The following NUBPL variants were observed in gnomAD, a reference collection of about 807,000 sequenced individuals.
NUBPL encodes iron-sulfur cluster transfer protein NUBPL.
In NUBPL, 31 loss-of-function variants were observed where a neutral mutation model predicts 45.7. The observed-to-expected ratio is 0.68, with a 90% CI of 0.51 to 0.92. NUBPL has a LOEUF of 0.92. Ranked by LOEUF, NUBPL falls within the 40% of genes least tolerant of loss-of-function variation. The probability of loss-of-function intolerance (pLI) is 0.00; values close to 1 mark genes in which losing one functional copy is unlikely to be tolerated. For synonymous variants in NUBPL, 144 were observed against 140.9 expected (o/e 1.02, Z -0.15); for missense variants, 401 against 398.7 (o/e 1.01, Z -0.05).
chr14:31,741,181 C>A (rs2038275701), intron 6 of NUBPL, among the ~76,000 whole-genome samples: 1 of 152,108 alleles, frequency 6.6e-6, no homozygotes, highest in South Asian at 2.1e-4. Context: ...TTCTTCCTAG[C>A]CAGGCATGAT....
At chr14:31,593,823 T>C (rs966716672) in intron 3 of NUBPL, among the ~76,000 whole-genome samples, 4 of 152,086 alleles carry the variant, frequency 2.6e-5, no homozygotes, top group Admixed American at 1.3e-4. Context: ...GTTGAGGGAA[T>C]AGCAACTGCA....
At chr14:31,677,336 C>T (rs564925722) in intron 6 of NUBPL, among the ~76,000 whole-genome samples, 5 of 152,320 alleles carry the variant, frequency 3.3e-5, no homozygotes, top group Admixed American at 3.3e-4. Flanking sequence ...CCTCCACCCC[C>T]ACCACCCTTC....
At chr14:31,802,198 C>A (rs2039603681) in intron 7 of NUBPL, among the ~76,000 whole-genome samples, 1 of 152,106 alleles carries the variant, frequency 6.6e-6, no homozygotes, top group African/African-American at 2.4e-5. Flanking sequence ...CTCTCCAGAG[C>A]AGGTTGTAAT....
At chr14:31,785,897 G>A (rs2039275165) in intron 6 of NUBPL, among the ~76,000 whole-genome samples, 1 of 152,094 alleles carries the variant, frequency 6.6e-6, no homozygotes, top group South Asian at 2.1e-4. Flanking sequence ...GGTGACTCAT[G>A]CCTGTAATCC....
Position 31,860,913 on chromosome 14 carries a change from A to G in NUBPL, c.*1733A>G, listed in dbSNP as rs1056380891. 1.3e-5 allele frequency: 2 copies of G among 152,238 alleles called. No individual in the cohort carries two copies. Among genetic ancestry groups the G allele is most frequent in the Non-Finnish European group, 2.9e-5 (2 of 68,046 alleles). The allele number at this position is 152,238 out of a possible 1,614,324, so 9.4% of individuals were successfully genotyped here. Reference sequence around the variant, plus strand: ...GGTTTTGTACCAAAAGATTCCATTTATATAACGTTCTTGAAGTGACATAAT... The same window carrying G: ...GGTTTTGTACCAAAAGATTCCATTTGTATAACGTTCTTGAAGTGACATAAT... On this transcript the variant is annotated 3_prime_UTR_variant, in exon 11 of 11. Transcript: ENST00000281081.
chr14:31,809,307 C>T (rs941757484), intron 7 of NUBPL, among the ~76,000 whole-genome samples: 3 of 152,076 alleles, frequency 2.0e-5, no homozygotes, highest in Non-Finnish European at 4.4e-5. Context: ...CTGTTACTCG[C>T]TATTCAGAGA....
intron 4 of NUBPL, among the ~76,000 whole-genome samples, chr14:31,664,706 G>A (rs906955210): frequency 1.1e-4 from 16 of 151,970 alleles, no homozygotes; most frequent in African/African-American, 3.9e-4. Context: ...CTCTTTTTTT[G>A]TTGTGTCTTT....
chr14:31,859,057 G>T (rs548887322), intron 10 of NUBPL, 61 bp from the exon 11 acceptor site: 2 of 1,434,106 alleles, frequency 1.4e-6, no homozygotes, highest in African/African-American at 2.8e-5. Context: ...ACAAACAGTT[G>T]ATGAGTCATT....
At chr14:31,582,893 A>C (rs190709609) in intron 3 of NUBPL, among the ~76,000 whole-genome samples, 19 of 152,316 alleles carry the variant, frequency 1.2e-4, no homozygotes, top group African/African-American at 4.3e-4. Flanking sequence ...TAGGGAGTCT[A>C]CCAAATGTCA....
At chr14:31,707,957 C>G (rs1006227109) in intron 6 of NUBPL, among the ~76,000 whole-genome samples, 1 of 152,164 alleles carries the variant, frequency 6.6e-6, no homozygotes, top group African/African-American at 2.4e-5. Context: ...TAAGTTGGGA[C>G]ATGTGGTCTG....
At position 31,601,470 on chromosome 14, in the gene NUBPL, C is replaced by T. The variant is rs528398660; in HGVS notation, c.382+2091C>T. On this transcript the variant is annotated intron_variant, in intron 4 of 10. Transcript: ENST00000281081. ...CAGTTCTCCTTGAAGAGGTCCTTCA[C>T]ATCCCTTGTAAGTTGGATTCCTAGG... Among the ~76,000 whole-genome samples, 4 of 152,248 alleles carry T rather than the reference C, an allele frequency of 2.6e-5. No homozygotes were observed. In the South Asian group the frequency reaches 8.3e-4, roughly 32 times the overall value.
intron 6 of NUBPL, among the ~76,000 whole-genome samples, chr14:31,705,843 G>C (rs987254070): frequency 1.3e-5 from 2 of 152,122 alleles, no homozygotes; most frequent in Admixed American, 1.3e-4. Flanking sequence ...CCCAGAAGGA[G>C]CACATCCCCC....
chr14:31,640,919 T>A (rs945987718), intron 4 of NUBPL, among the ~76,000 whole-genome samples: 3 of 151,564 alleles, frequency 2.0e-5, no homozygotes, highest in Non-Finnish European at 4.4e-5. Context: ...TACTGATCTA[T>A]TGAATACCAG....
chr14:31,601,866 T>G (rs1286261936), intron 4 of NUBPL, among the ~76,000 whole-genome samples: 1 of 152,190 alleles, frequency 6.6e-6, no homozygotes, highest in African/African-American at 2.4e-5. Context: ...AAATACCATT[T>G]GACCCAGCCA....
At chr14:31,623,756 T>C (rs1258380908) in intron 4 of NUBPL, among the ~76,000 whole-genome samples, 1 of 152,160 alleles carries the variant, frequency 6.6e-6, no homozygotes, top group Admixed American at 6.5e-5. Flanking sequence ...AACGGACTAA[T>C]ACGTATGGCA....
intron 6 of NUBPL, among the ~76,000 whole-genome samples, chr14:31,747,687 T>C (rs1016973973): frequency 5.9e-5 from 9 of 152,180 alleles, no homozygotes; most frequent in African/African-American, 2.2e-4. Flanking sequence ...ATTTTATTTA[T>C]CTGGGTCTTC....
chr14:31,761,877 C>G (rs2038817789), intron 6 of NUBPL, among the ~76,000 whole-genome samples: 1 of 152,070 alleles, frequency 6.6e-6, no homozygotes. Context: ...AAGAATCTAA[C>G]AAAGCATGGA....
chr14:31,754,637 T>G (rs542851519), intron 6 of NUBPL, among the ~76,000 whole-genome samples: 244 of 150,494 alleles, frequency 1.6e-3, no homozygotes, highest in African/African-American at 5.6e-3. Context: ...GCCAATAGAT[T>G]CATTTTTATT....
chr14:31,562,362 T>C (rs2033311174), intron 2 of NUBPL, 147 bp downstream of exon 2: 1 of 799,850 alleles, frequency 1.3e-6, no homozygotes, highest in African/African-American at 1.7e-5. Flanking sequence ...TGGTAGCGGG[T>C]AGACGCTTAG....
Sources: gnomAD v4.1 joint callset for allele counts (sites outside exome capture counted in the v4.1 genomes callset) on GRCh38, gnomAD v4.1.1 for gene constraint, MANE v1.5 for transcripts, NCBI Gene and HGNC (gene_info 2026-07-23, HGNC 2026-07-21) for gene names.